SLC7A2: variants seen among roughly 807,000 people sequenced by gnomAD.
SLC7A2 encodes solute carrier family 7 member 2, also known as cationic amino acid transporter 2.
A neutral mutation model predicts 58.9 loss-of-function variants in SLC7A2; 48 were observed. The observed-to-expected ratio is 0.82, with a 90% CI of 0.65 to 1.04. The LOEUF (loss-of-function observed/expected upper bound fraction) is 1.04, where lower values mean the gene tolerates loss of function less well. Ranked by LOEUF, SLC7A2 falls within the 50% of genes least tolerant of loss-of-function variation. The probability of loss-of-function intolerance (pLI) is 0.00; values close to 1 mark genes in which losing one functional copy is unlikely to be tolerated. For missense variants in SLC7A2, 1,029 were observed against 818.8 expected (o/e 1.26, Z -3.13); for synonymous variants, 363 against 314.5 (o/e 1.15, Z -1.63).
At chr8:17,504,099 A>C (rs1800274884) in intron 2 of SLC7A2, among the ~76,000 whole-genome samples, 1 of 152,240 alleles carries the variant, frequency 6.6e-6, no homozygotes, top group Non-Finnish European at 1.5e-5. Flanking sequence ...GGCGTTTTGC[A>C]TTGATCTGGA....
intron 2 of SLC7A2, among the ~76,000 whole-genome samples, chr8:17,506,199 G>C (rs2150653332): frequency 6.6e-6 from 1 of 152,328 alleles, no homozygotes; most frequent in East Asian, 1.9e-4. Context: ...AGAGACAATA[G>C]TGGGTGTTGA....
intron 2 of SLC7A2, among the ~76,000 whole-genome samples, chr8:17,539,882 T>G (rs1318370371): frequency 6.6e-6 from 1 of 152,202 alleles, no homozygotes. Flanking sequence ...TCTTGGGCAG[T>G]AAGTCCCCTG....
chr8:17,560,851 C>G (rs139498210), intron 10 of SLC7A2, among the ~76,000 whole-genome samples: 1 of 152,206 alleles, frequency 6.6e-6, no homozygotes, highest in Non-Finnish European at 1.5e-5. Flanking sequence ...CTGCCAATAA[C>G]CTGACTGGAA....
chr8:17,562,390 A>G (rs1803059035), intron 11 of SLC7A2, among the ~76,000 whole-genome samples: 1 of 151,902 alleles, frequency 6.6e-6, no homozygotes, highest in African/African-American at 2.4e-5. Context: ...TTTTTAGAAG[A>G]CATGGGATTT....
chr8:17,543,401 C>T lies in SLC7A2; in HGVS notation c.62C>T (p.Thr21Ile), dbSNP rs943903171. ...TGTCTGATCCGGAGAAAAATCGTGA[C>T]CCTGGACAGTCTAGAAGACACCAAA... ...ARCLIRRKIV[T>I]LDSLEDTKLC... The change falls in exon 3 of 13, where the codon ACC (threonine) becomes ATC (isoleucine). Residue 21 changes from threonine (T) to isoleucine (I), a missense_variant. By Grantham distance (89) the Thr-to-Ile change is moderately conservative. Transcript: ENST00000494857. The T allele has an allele frequency of 2.5e-6, 4 of 1,614,150 alleles. No individual in the cohort carries two copies. The highest frequency in any genetic ancestry group is 3.4e-6 in the Non-Finnish European group (4 of 1,180,016).
intron 1 of SLC7A2, among the ~76,000 whole-genome samples, chr8:17,499,534 C>T (rs999456268): frequency 1.3e-5 from 2 of 150,704 alleles, no homozygotes; most frequent in African/African-American, 4.9e-5. Context: ...TGCTTTATTT[C>T]CCCCAAACAT....
intron 7 of SLC7A2, among the ~76,000 whole-genome samples, chr8:17,553,864 G>A (rs1391512769): frequency 1.3e-5 from 2 of 152,076 alleles, no homozygotes; most frequent in Non-Finnish European, 2.9e-5. Flanking sequence ...ACTAAGTAAT[G>A]TGTGAAATGG....
chr8:17,542,400 C>T (rs1024175172), intron 2 of SLC7A2, among the ~76,000 whole-genome samples: 4 of 152,112 alleles, frequency 2.6e-5, no homozygotes, highest in East Asian at 3.8e-4. Context: ...CGTGTAATCC[C>T]AGCACTTTGG....
intron 2 of SLC7A2, among the ~76,000 whole-genome samples, chr8:17,517,781 C>G (rs1217503721): frequency 1.3e-5 from 2 of 152,030 alleles, no homozygotes; most frequent in Non-Finnish European, 2.9e-5. Context: ...TTGGTAACAT[C>G]TTGATGACCT....
At chr8:17,558,429 C>G (rs758508536) in intron 9 of SLC7A2, 32 bp downstream of exon 9, 42 of 1,396,012 alleles carry the variant, frequency 3.0e-5, no homozygotes, top group Non-Finnish European at 1.1e-5. Context: ...CAGGGTGTAC[C>G]ATGCACGAGG....
At chr8:17,561,853 G>C (rs1426528924) in intron 10 of SLC7A2, 91 bp from the exon 11 acceptor site, 1 of 1,223,192 alleles carries the variant, frequency 8.2e-7, no homozygotes, top group Non-Finnish European at 1.2e-6. Context: ...GTGTACAGAA[G>C]TCAGTGTTTT....
At chr8:17,563,288 G>A (rs1016577019) in intron 11 of SLC7A2, among the ~76,000 whole-genome samples, 1 of 152,184 alleles carries the variant, frequency 6.6e-6, no homozygotes, top group African/African-American at 2.4e-5. Flanking sequence ...ATAACCATAT[G>A]TATCCCACAT....
intron 11 of SLC7A2, among the ~76,000 whole-genome samples, chr8:17,562,585 TG>T (rs1042364941): frequency 1.3e-5 from 2 of 152,130 alleles, no homozygotes; most frequent in Non-Finnish European, 1.5e-5. Context: ...GTGATCCACC[TG>T]CCTCAACAAC....
In SLC7A2 at chr8:17,563,662, C is replaced by G. The variant is rs151260291; in HGVS notation, c.1731C>G (p.Val577=). The G allele has an allele frequency of 2.5e-6, 4 of 1,613,270 alleles. No homozygotes were observed. In the African/African-American group the frequency reaches 4.0e-5, roughly 16 times the overall value. The change falls in exon 12 of 13, where the codon GTC becomes GTG. Residue 577 remains valine (V), a synonymous_variant. Coordinates refer to ENST00000494857, the MANE Select transcript of SLC7A2 (RefSeq NM_001370338.1). ...TCTTGGTGAACATTTACTTGATGGT[C>G]CAGTTAAGTGCAGACACTTGGGTCA... ...FSILVNIYLM[V]QLSADTWVRF...
intron 2 of SLC7A2, among the ~76,000 whole-genome samples, chr8:17,536,303 G>A (rs192606039): frequency 1.5e-4 from 23 of 152,194 alleles, no homozygotes; most frequent in Admixed American, 7.2e-4. Context: ...AGTGGTTCAC[G>A]CCTGTAACCT....
At chr8:17,531,117 A>C (rs1002129924) in intron 2 of SLC7A2, among the ~76,000 whole-genome samples, 1 of 152,176 alleles carries the variant, frequency 6.6e-6, no homozygotes, top group African/African-American at 2.4e-5. Context: ...GAAATGGTGT[A>C]ATTCAGAGCC....
At chr8:17,495,103 T>C (rs1321380440), upstream of SLC7A2, among the ~76,000 whole-genome samples, 3 of 152,234 alleles carry the variant, frequency 2.0e-5, no homozygotes, top group Non-Finnish European at 4.4e-5. Flanking sequence ...AAATAATTGC[T>C]TAAGTTTAAA....
At chr8:17,503,272 G>T (rs1170590418) in intron 2 of SLC7A2, among the ~76,000 whole-genome samples, 1 of 151,956 alleles carries the variant, frequency 6.6e-6, no homozygotes, top group African/African-American at 2.4e-5. Flanking sequence ...GGGTGGTCTC[G>T]ATCTCCTGAC....
intron 7 of SLC7A2, among the ~76,000 whole-genome samples, chr8:17,553,259 G>A (rs189845221): frequency 7.6e-4 from 116 of 152,170 alleles, no homozygotes; most frequent in Middle Eastern, 3.4e-3. Flanking sequence ...CTAAGTTCCC[G>A]AGGCTGGTCT....
Sources: gnomAD v4.1 joint callset for allele counts (sites outside exome capture counted in the v4.1 genomes callset) on GRCh38, gnomAD v4.1.1 for gene constraint, MANE v1.5 for transcripts, NCBI Gene and HGNC (gene_info 2026-07-23, HGNC 2026-07-21) for gene names.